The following KHDRBS2 variants were observed in gnomAD, a reference collection of about 807,000 sequenced individuals.
KHDRBS2 encodes KH RNA binding domain containing, signal transduction associated 2.
Under a neutral mutation model 44.3 loss-of-function variants are expected in KHDRBS2, and 26 were observed. The observed-to-expected ratio is 0.59, with a 90% CI of 0.43 to 0.81. KHDRBS2 has a LOEUF of 0.81. Among genes scored for constraint, KHDRBS2 ranks in the 40% least tolerant of loss-of-function variants. The probability of loss-of-function intolerance (pLI) is 0.00; values close to 1 mark genes in which losing one functional copy is unlikely to be tolerated. For synonymous variants in KHDRBS2, 194 were observed against 151.1 expected (o/e 1.28, Z -2.08); for missense variants, 476 against 433.1 (o/e 1.10, Z -0.88).
chr6:61,658,264 AG>A, the KHDRBS2 span, among the ~76,000 whole-genome samples: 4 of 151,906 alleles, frequency 2.6e-5, no homozygotes, highest in Admixed American at 2.6e-4. Flanking sequence ...CAGATATATT[AG>A]AAAATAATTG....
At position 62,009,313 on chromosome 6, in the gene KHDRBS2, A is replaced by C. The variant is rs575542870; in HGVS notation, c.337-31101T>G. On this transcript the variant is annotated intron_variant, in intron 3 of 8. Coordinates refer to ENST00000281156, the MANE Select transcript of KHDRBS2 (RefSeq NM_152688.4). ...CTTGAGAGAAATGATTTAGGGTATCAGTTGGAAGAAATTTCTAATCAGCAA... is the reference window on the plus strand; with the variant it reads ...CTTGAGAGAAATGATTTAGGGTATCCGTTGGAAGAAATTTCTAATCAGCAA... Among the ~76,000 whole-genome samples the C allele has an allele frequency of 2.0e-5, 3 of 152,308 alleles. No homozygotes were observed. In the East Asian group the frequency reaches 5.8e-4, roughly 29 times the overall value.
intron 1 of KHDRBS2, among the ~76,000 whole-genome samples, chr6:62,237,970 C>T (rs1202918162): frequency 2.7e-5 from 4 of 148,518 alleles, no homozygotes; most frequent in African/African-American, 1.0e-4. Context: ...ACCTGGGAGG[C>T]GGAGGTTGCA....
chr6:62,053,120 T>C (rs1789451385), intron 2 of KHDRBS2, among the ~76,000 whole-genome samples: 1 of 151,918 alleles, frequency 6.6e-6, no homozygotes, highest in Admixed American at 6.6e-5. Flanking sequence ...ATATATACAA[T>C]AAAATGTATT....
rs748867617 is a variant in KHDRBS2, at chr6:61,934,151, GT to G, written c.484-32781del. Among the ~76,000 whole-genome samples, 888 of 150,342 alleles carry G rather than the reference GT, an allele frequency of 5.9e-3. 13 individuals are homozygous for G. Among genetic ancestry groups the G allele is most frequent in the African/African-American group, 0.02 (829 of 41,024 alleles). ...TTTTTTAATGTGAGTTATTTGTCGGGTTTTTTTTTGCAGTTGAATTGTTTGA... is the reference window on the plus strand; with the variant it reads ...TTTTTTAATGTGAGTTATTTGTCGGGTTTTTTTTGCAGTTGAATTGTTTGA... On this transcript the variant is annotated intron_variant, in intron 4 of 8. Transcript: ENST00000281156.
chr6:62,102,894 A>C (rs938100340), intron 2 of KHDRBS2, among the ~76,000 whole-genome samples: 2 of 152,192 alleles, frequency 1.3e-5, no homozygotes, highest in Admixed American at 1.3e-4. Flanking sequence ...ACATCCAGGA[A>C]GAATGAGGTT....
At chr6:62,062,658 T>G (rs1219815606) in intron 2 of KHDRBS2, among the ~76,000 whole-genome samples, 2 of 148,544 alleles carry the variant, frequency 1.3e-5, no homozygotes, top group African/African-American at 2.5e-5. Flanking sequence ...CAGCACTAAA[T>G]GCCCACAAGA....
chr6:62,079,270 T>A (rs578131569), intron 2 of KHDRBS2, among the ~76,000 whole-genome samples: 1 of 152,092 alleles, frequency 6.6e-6, no homozygotes, highest in East Asian at 1.9e-4. Flanking sequence ...ACACAATTAT[T>A]TACAGATTTA....
chr6:62,136,668 T>A (rs766319424), intron 2 of KHDRBS2, among the ~76,000 whole-genome samples: 3 of 152,156 alleles, frequency 2.0e-5, no homozygotes, highest in Non-Finnish European at 4.4e-5. Flanking sequence ...TGTAAGAATA[T>A]CACTAATGCT....
chr6:62,278,436 T>TA (rs1303469613), intron 1 of KHDRBS2, among the ~76,000 whole-genome samples: 2 of 152,012 alleles, frequency 1.3e-5, no homozygotes, highest in African/African-American at 2.4e-5. Flanking sequence ...TACCAGGCCA[T>TA]AAAAAAACCT....
chr6:62,047,217 T>A (rs1787905070), intron 3 of KHDRBS2, among the ~76,000 whole-genome samples: 1 of 151,954 alleles, frequency 6.6e-6, no homozygotes, highest in Non-Finnish European at 1.5e-5. Flanking sequence ...GGAATAAATC[T>A]CTACAAATTG....
chr6:61,602,621 G>T, the KHDRBS2 span, among the ~76,000 whole-genome samples: 1 of 152,054 alleles, frequency 6.6e-6, no homozygotes, highest in Non-Finnish European at 1.5e-5. Context: ...CATCACTGAC[G>T]CCAAGCTTCA....
chr6:61,872,169 C>T (rs1490170144), intron 6 of KHDRBS2, among the ~76,000 whole-genome samples: 3 of 152,024 alleles, frequency 2.0e-5, no homozygotes, highest in South Asian at 2.1e-4. Flanking sequence ...AATTCAATAT[C>T]TATATTTAGG....
At chr6:61,573,853 G>T in the KHDRBS2 span, among the ~76,000 whole-genome samples, 2 of 149,502 alleles carry the variant, frequency 1.3e-5, no homozygotes, top group East Asian at 2.0e-4. Flanking sequence ...TAAGCAAAAA[G>T]AACAAACCTG....
chr6:61,662,351 G>A, the KHDRBS2 span, among the ~76,000 whole-genome samples: 1 of 151,812 alleles, frequency 6.6e-6, no homozygotes, highest in Non-Finnish European at 1.5e-5. Context: ...AGGACTTCAT[G>A]TCTAAAACAC....
At chr6:61,857,716 T>C (rs557914884) in intron 6 of KHDRBS2, among the ~76,000 whole-genome samples, 12 of 151,990 alleles carry the variant, frequency 7.9e-5, no homozygotes, top group Non-Finnish European at 1.3e-4. Context: ...TTGAACAGTA[T>C]GATCTCATAA....
intron 6 of KHDRBS2, among the ~76,000 whole-genome samples, chr6:61,767,279 T>TA (rs1780154473): frequency 2.6e-5 from 4 of 152,054 alleles, no homozygotes; most frequent in Non-Finnish European, 5.9e-5. Context: ...TAGCTACTCC[T>TA]CCTCTTTTTT....
intron 1 of KHDRBS2, among the ~76,000 whole-genome samples, chr6:62,225,673 T>C (rs573550124): frequency 1.5e-4 from 23 of 152,306 alleles, no homozygotes; most frequent in Admixed American, 1.2e-3. Flanking sequence ...TTTTTTGTAA[T>C]GCTTTCCTTA....
chr6:62,170,819 C>G (rs1819837433), intron 2 of KHDRBS2, among the ~76,000 whole-genome samples: 1 of 152,060 alleles, frequency 6.6e-6, no homozygotes, highest in African/African-American at 2.4e-5. Context: ...CCAGCCCACT[C>G]AAGGTAAGAG....
chr6:61,781,674 G>A (rs1409169410), intron 6 of KHDRBS2, among the ~76,000 whole-genome samples: 3 of 151,976 alleles, frequency 2.0e-5, no homozygotes, highest in Non-Finnish European at 4.4e-5. Context: ...GGTCAAGTCA[G>A]GGCTTTTAGG....
Sources: gnomAD v4.1 joint callset for allele counts (sites outside exome capture counted in the v4.1 genomes callset) on GRCh38, gnomAD v4.1.1 for gene constraint, MANE v1.5 for transcripts, NCBI Gene and HGNC (gene_info 2026-07-23, HGNC 2026-07-21) for gene names.